Variants in KLHL8 observed in about 807,000 individuals in gnomAD.
The protein encoded by KLHL8 is kelch-like protein 8.
A neutral mutation model predicts 63.5 loss-of-function variants in KLHL8; 38 were observed. That is an observed-to-expected ratio of 0.60 (90% CI 0.46 to 0.78). The LOEUF is 0.78. Ranked by LOEUF, KLHL8 falls within the 30% of genes least tolerant of loss-of-function variation. The probability of loss-of-function intolerance (pLI) is 0.00; values close to 1 mark genes in which losing one functional copy is unlikely to be tolerated. For synonymous variants in KLHL8, 224 were observed against 254.3 expected, an observed-to-expected ratio of 0.88 and a Z score of 1.13; for missense variants, 566 against 752.4, an observed-to-expected ratio of 0.75 and a Z score of 2.90.
At chr4:87,206,736 C>T (rs532141164) in intron 1 of KLHL8, among the ~76,000 whole-genome samples, 1 of 152,208 alleles carries the variant, frequency 6.6e-6, no homozygotes, top group Non-Finnish European at 1.5e-5. Context: ...GATGTCAAGG[C>T]CCAACTTAAA....
intron 1 of KLHL8, among the ~76,000 whole-genome samples, chr4:87,217,902 A>G (rs2110056746): frequency 6.6e-6 from 1 of 152,318 alleles, no homozygotes; most frequent in East Asian, 1.9e-4. Flanking sequence ...AATGTTTAAG[A>G]TGTCTGCAAT....
intron 8 of KLHL8, among the ~76,000 whole-genome samples, chr4:87,168,885 AGC>A (rs1730524880): frequency 1.3e-5 from 2 of 150,368 alleles, no homozygotes; most frequent in Middle Eastern, 3.2e-3. Context: ...TGATCTTGTT[AGC>A]AATGCCTTTT....
chr4:87,173,773 T>C (rs904571588), intron 6 of KLHL8, among the ~76,000 whole-genome samples: 2 of 152,208 alleles, frequency 1.3e-5, no homozygotes, highest in Non-Finnish European at 1.5e-5. Context: ...GATATAAAGA[T>C]TAAAAAAGTA....
intron 1 of KLHL8, among the ~76,000 whole-genome samples, chr4:87,214,415 GATAT>G (rs58112792): frequency 0.014 from 1,327 of 92,550 alleles, 10 homozygotes; most frequent in South Asian, 0.031. Flanking sequence ...GCACATAACA[GATAT>G]ATATATATAT....
intron 8 of KLHL8, among the ~76,000 whole-genome samples, chr4:87,165,180 A>G (rs1332314870): frequency 6.7e-6 from 1 of 149,994 alleles, no homozygotes; most frequent in African/African-American, 2.4e-5. Context: ...AAAAGGTCAG[A>G]AAAAAAAATT....
chr4:87,197,918 T>C (rs1731758353), intron 1 of KLHL8, among the ~76,000 whole-genome samples: 1 of 150,982 alleles, frequency 6.6e-6, no homozygotes, highest in Non-Finnish European at 1.5e-5. Flanking sequence ...TACTGAACTC[T>C]GTCATTGTAA....
rs1560705957 is a variant in KLHL8 at position 87,195,365 on chromosome 4, GAAGAA to G, written c.170_174del (p.Leu57ProfsTer4). ...CAGAGTTCTCCATTTTCATAAAATC[GAAGAA>G]GAGAACCATGAAAATCTTTCCAAGC... On this transcript the variant is annotated frameshift_variant, in exon 2 of 10. Coordinates refer to ENST00000273963, the MANE Select transcript of KLHL8 (RefSeq NM_020803.5). LOFTEE classifies it high-confidence loss of function. 1 of 1,612,904 alleles carries G rather than the reference GAAGAA, an allele frequency of 6.2e-7. No individual in the cohort carries two copies.
At chr4:87,176,325 T>C (rs1418448968) in intron 6 of KLHL8, among the ~76,000 whole-genome samples, 2 of 152,198 alleles carry the variant, frequency 1.3e-5, no homozygotes, top group African/African-American at 2.4e-5. Context: ...CTTCTTCCCA[T>C]AGATGCTAGC....
In KLHL8 at chr4:87,205,691, T is replaced by G. The variant is rs1158937124; in HGVS notation, c.-151-10001A>C. On this transcript the variant is annotated intron_variant, in intron 1 of 9. Coordinates refer to ENST00000273963, the MANE Select transcript of KLHL8 (RefSeq NM_020803.5). ...GTTGCCCAGGCTGGTCTTGAACTCC[T>G]GGACTCAAGCGATCTGCCCACTTAG... is the stretch of plus-strand genomic sequence containing the variant. Among the ~76,000 whole-genome samples, 3 of 152,296 alleles carry G rather than the reference T, an allele frequency of 2.0e-5. No homozygotes were observed. The East Asian group carries it at 5.8e-4, about 29-fold the overall frequency.
At chr4:87,177,053 C>G (rs1360877124) in intron 5 of KLHL8, among the ~76,000 whole-genome samples, 185 bp from the exon 6 acceptor site, 1 of 152,138 alleles carries the variant, frequency 6.6e-6, no homozygotes, top group Non-Finnish European at 1.5e-5. Flanking sequence ...TAAGCTTGCA[C>G]TAAACATGCT....
chr4:87,229,469 C>T (rs1028403587), intron 1 of KLHL8, among the ~76,000 whole-genome samples: 1 of 144,168 alleles, frequency 6.9e-6, no homozygotes, highest in Non-Finnish European at 1.5e-5. Context: ...GGGTCTCACT[C>T]TGTCACCTAG....
chr4:87,171,709 T>C (rs1218163903), intron 6 of KLHL8, among the ~76,000 whole-genome samples: 1 of 152,058 alleles, frequency 6.6e-6, no homozygotes, highest in Non-Finnish European at 1.5e-5. Flanking sequence ...TCCTCAAAAC[T>C]CTCTTGGTTT....
chr4:87,163,686 TTTACTCAA>T, intron 9 of KLHL8, 44 bp from the exon 10 acceptor site: 1 of 1,609,058 alleles, frequency 6.2e-7, no homozygotes, highest in South Asian at 1.1e-5. Context: ...CATAATTTAC[TTTACTCAA>T]AATACTAACC....
rs559468258 is a variant in KLHL8, at chr4:87,191,906, T to A, written c.216+3418A>T. Among the ~76,000 whole-genome samples, 5 of 152,260 alleles carry A rather than the reference T, an allele frequency of 3.3e-5. No individual in the cohort carries two copies. The South Asian group carries it at 1.0e-3, about 32-fold the overall frequency. On this transcript the variant is annotated intron_variant, in intron 2 of 9. Coordinates refer to ENST00000273963, the MANE Select transcript of KLHL8 (RefSeq NM_020803.5). The stretch of plus-strand genomic sequence containing the variant: ...TATTAGTTCACTTAGGATAATGGTT[T>A]CCAGCTGCGTGTATGTTGCTGCAAA...
rs1362246290 is a variant in KLHL8, at chr4:87,160,815, T to C, written c.*2704A>G. 1.3e-5 allele frequency: 2 copies of C among 152,182 alleles called. No individual in the cohort carries two copies. The highest frequency in any genetic ancestry group is 1.3e-4 in the Admixed American group (2 of 15,274). The allele number at this position is 152,182 out of a possible 1,614,324, so 9.4% of individuals were successfully genotyped here. A position where few individuals can be genotyped will look rare whatever the true frequency, so the allele number is the denominator to read the frequency against. On this transcript the variant is annotated 3_prime_UTR_variant, in exon 10 of 10. Coordinates refer to ENST00000273963, the MANE Select transcript of KLHL8 (RefSeq NM_020803.5). The stretch of plus-strand genomic sequence containing the variant: ...CCATTTGCAATTTCAGTATTTTAGC[T>C]CTATCTCATATCATTTTTTGGTAGG...
At chr4:87,217,131 T>G (rs1732626432) in intron 1 of KLHL8, among the ~76,000 whole-genome samples, 1 of 152,036 alleles carries the variant, frequency 6.6e-6, no homozygotes, top group African/African-American at 2.4e-5. Flanking sequence ...AATAGACTAA[T>G]GGGTGACATT....
chr4:87,165,302 T>G (rs1248104697), intron 8 of KLHL8, among the ~76,000 whole-genome samples: 1 of 152,138 alleles, frequency 6.6e-6, no homozygotes, highest in African/African-American at 2.4e-5. Flanking sequence ...GTCATTACCA[T>G]TACAACCATT....
At chr4:87,167,733 G>A (rs1174880054) in intron 8 of KLHL8, 28 of 345,852 alleles carry the variant, frequency 8.1e-5, no homozygotes, top group South Asian at 6.7e-4. Flanking sequence ...AAGGAGCTAT[G>A]ATCCTGAGCT....
At chr4:87,183,106 G>T in intron 4 of KLHL8, 97 bp downstream of exon 4, 2 of 773,540 alleles carry the variant, frequency 2.6e-6, no homozygotes, top group Admixed American at 2.7e-5. Context: ...AAGGCAATCA[G>T]ACACTAATTA....
Sources: gnomAD v4.1 joint callset for allele counts (sites outside exome capture counted in the v4.1 genomes callset) on GRCh38, gnomAD v4.1.1 for gene constraint, MANE v1.5 for transcripts, NCBI Gene and HGNC (gene_info 2026-07-23, HGNC 2026-07-21) for gene names.